The following KRT28 variants were observed in gnomAD, a reference collection of about 807,000 sequenced individuals.
The protein encoded by KRT28 is keratin, type I cytoskeletal 28.
A neutral mutation model predicts 48.1 loss-of-function variants in KRT28; 45 were observed. The observed-to-expected ratio is 0.94, with a 90% CI of 0.74 to 1.20. The LOEUF (loss-of-function observed/expected upper bound fraction) is 1.20, where lower values mean the gene tolerates loss of function less well. Ranked by LOEUF, KRT28 falls within the 50% of genes most tolerant of loss-of-function variation. KRT28 has a pLI of 0.00. For synonymous variants in KRT28, 228 were observed against 227.4 expected, an observed-to-expected ratio of 1.00 and a Z score of -0.03; for missense variants, 571 against 574.1, an observed-to-expected ratio of 0.99 and a Z score of 0.06.
Position 40,799,755 on chromosome 17 carries a change from A to G in KRT28, c.139T>C (p.Cys47Arg), listed in dbSNP as rs142165420. 22,762 of 1,613,918 alleles carry G rather than the reference A, an allele frequency of 0.014. 203 individuals are homozygous for G. Among genetic ancestry groups the G allele is most frequent in the Non-Finnish European group, 0.017 (19,844 of 1,179,922 alleles). The change falls in exon 1 of 8, where the codon TGT becomes CGT. Residue 47 changes from cysteine (C) to arginine (R), a missense_variant. Cys to Arg is a radical substitution (Grantham distance 180). Coordinates refer to ENST00000306658, the MANE Select transcript of KRT28 (RefSeq NM_181535.3). ...CTGCCCAAGCCCCCTCCCAAGGCAC[A>G]GGAAAATTCACTTCCAGCAACAGAG... ...GGSVAGSEFS[C>R]ALGGGLGSVP... is the part of the protein sequence containing the mutation.
In KRT28 at chr17:40,793,201, G is replaced by A. The variant is rs769792221; in HGVS notation, c.1206C>T (p.Ser402=). The A allele has an allele frequency of 1.9e-6, 3 of 1,558,364 alleles. No homozygotes were observed. In the South Asian group the frequency reaches 3.6e-5, roughly 19 times the overall value. Residue 402 remains serine (S), a synonymous_variant, in exon 7 of 8, where the codon TCC becomes TCT. Transcript: ENST00000306658. ...TTCCTGATCCAAAGCCCTTTGATTT[G>A]GAGCATGAACTGTAAAAGAAATATA... ...RLIDGDGNSC[S]KSKGFGSGSP...
intron 5 of KRT28, among the ~76,000 whole-genome samples, chr17:40,796,071 A>T (rs912667636): frequency 4.6e-5 from 7 of 152,246 alleles, no homozygotes; most frequent in African/African-American, 1.7e-4. Flanking sequence ...GCTAAATCAA[A>T]AGAATCTCCC....
Position 40,799,461 on chromosome 17 carries a change from C to T in KRT28, c.433G>A (p.Glu145Lys), listed in dbSNP as rs566122984. 7.5e-6 allele frequency: 12 copies of T among 1,603,976 alleles called. No homozygotes were observed. The South Asian group carries it at 9.9e-5, about 13-fold the overall frequency. The stretch of plus-strand genomic sequence containing the variant: ...TTTCTCACCTTATTCTTAAGATCCT[C>T]AATTGTTAGGTGATATCTGCTATAG... ...HDYSRYHLTIEDLKNKIISST... is the reference protein window; with the variant it reads ...HDYSRYHLTIKDLKNKIISST... The change falls in exon 1 of 8, where the codon GAG (glutamate) becomes AAG (lysine). Residue 145 changes from glutamate to lysine, a missense_variant. Transcript: ENST00000306658.
At chr17:40,794,120 T>G in intron 5 of KRT28, 74 bp from the exon 6 acceptor site, 4 of 1,547,422 alleles carry the variant, frequency 2.6e-6, no homozygotes, top group Non-Finnish European at 3.6e-6. Context: ...TTCTCAGTAA[T>G]CAGCAGGATT....
At chr17:40,793,000 T>C (rs1904526827) in intron 7 of KRT28, among the ~76,000 whole-genome samples, 155 bp downstream of exon 7, 1 of 151,940 alleles carries the variant, frequency 6.6e-6, no homozygotes, top group African/African-American at 2.4e-5. Flanking sequence ...CTCAAGAGGC[T>C]GGGGCAGGAG....
chr17:40,799,478 C>A lies in KRT28; in HGVS notation c.416G>T (p.Arg139Ile), dbSNP rs1309915380. ...SCRGLDHDYS[R>I]YHLTIEDLKN... ...AAGATCCTCAATTGTTAGGTGATAT[C>A]TGCTATAGTCATGATCAAGTCCACG... Residue 139 changes from arginine to isoleucine, a missense_variant, in exon 1 of 8, where the codon AGA becomes ATA. Physicochemically the swap from Arg to Ile is moderately conservative, Grantham distance 97. Transcript: ENST00000306658. The A allele has an allele frequency of 6.2e-7, 1 of 1,613,264 alleles. No individual in the cohort carries two copies. Among genetic ancestry groups the A allele is most frequent in the African/African-American group, 1.3e-5 (1 of 74,892 alleles).
rs760131424 is a variant in KRT28, at chr17:40,798,298, G to A, written c.627C>T (p.Asp209=). Reference sequence around the variant, plus strand: ...TCAGAGACTCATATTGCAGCTCCTGGTCGGTCCTGCAGAGCGTCAGCTCGT... The same window carrying A: ...TCAGAGACTCATATTGCAGCTCCTGATCGGTCCTGCAGAGCGTCAGCTCGT... The part of the protein sequence containing the change: ...VLDELTLCRT[D]QELQYESLSE... Residue 209 remains aspartate, a synonymous_variant, in exon 3 of 8, where the codon GAC becomes GAT. Coordinates refer to ENST00000306658, the MANE Select transcript of KRT28 (RefSeq NM_181535.3). The A allele has an allele frequency of 1.2e-6, 2 of 1,613,210 alleles. No individual in the cohort carries two copies. The highest frequency in any genetic ancestry group is 2.2e-5 in the South Asian group (2 of 91,050).
chr17:40,799,789 T>G lies in KRT28; in HGVS notation c.105A>C (p.Ala35=), dbSNP rs543781326. The G allele has an allele frequency of 6.2e-7, 1 of 1,613,778 alleles. No individual in the cohort carries two copies. The highest frequency in any genetic ancestry group is 1.7e-5 in the Admixed American group (1 of 59,964). Reference sequence around the variant, plus strand: ...CACTTCCAGCAACAGAGCCACCACATGCACTGCTGCCTGCAAAGCCTGCAC... The same window carrying G: ...CACTTCCAGCAACAGAGCCACCACAGGCACTGCTGCCTGCAAAGCCTGCAC... ...NGGAGFAGSS[A]CGGSVAGSEF... The change falls in exon 1 of 8, where the codon GCA becomes GCC. Residue 35 remains alanine, a synonymous_variant. Transcript: ENST00000306658.
At chr17:40,796,016 C>T (rs1168266158) in intron 5 of KRT28, among the ~76,000 whole-genome samples, 1 of 152,176 alleles carries the variant, frequency 6.6e-6, no homozygotes, top group African/African-American at 2.4e-5. Context: ...ACAAGTCTCC[C>T]ATCTAAATCC....
At position 40,798,992 on chromosome 17, in the gene KRT28, G is replaced by T. The variant is rs1307423090; in HGVS notation, c.458C>A (p.Ser153Tyr). The change falls in exon 2 of 8, where the codon TCC (serine) becomes TAC (tyrosine). Residue 153 changes from serine to tyrosine, a missense_variant. By Grantham distance (144) the Ser-to-Tyr change is moderately radical. Transcript: ENST00000306658. ...TIEDLKNKII[S>Y]STTTNANVIL... Reference sequence around the variant, plus strand: ...GACATTAGCATTAGTAGTAGTGGAGGAGATAATCTAGAATAAACCAAAACA... The same window carrying T: ...GACATTAGCATTAGTAGTAGTGGAGTAGATAATCTAGAATAAACCAAAACA... 1 of 1,595,176 alleles carries T rather than the reference G, an allele frequency of 6.3e-7. No homozygotes were observed. Among genetic ancestry groups the T allele is most frequent in the Non-Finnish European group, 8.6e-7 (1 of 1,167,026 alleles).
chr17:40,794,798 T>C (rs1904575081), intron 5 of KRT28, among the ~76,000 whole-genome samples: 1 of 152,236 alleles, frequency 6.6e-6, no homozygotes, highest in Non-Finnish European at 1.5e-5. Flanking sequence ...TTGATATTAG[T>C]TATTATCCAA....
At position 40,792,216 on chromosome 17, in the gene KRT28, T is replaced by G; in HGVS notation, c.*211A>C. ...ATAGAAAAAAATCACAAATAGTTAT[T>G]TATTAGTCATCAGTGAATGGAAATG... is the stretch of plus-strand genomic sequence containing the variant. On this transcript the variant is annotated 3_prime_UTR_variant, in exon 8 of 8. Coordinates refer to ENST00000306658, the MANE Select transcript of KRT28 (RefSeq NM_181535.3). 2.5e-6 allele frequency: 1 copy of G among 393,978 alleles called. No individual in the cohort carries two copies. The highest frequency in any genetic ancestry group is 4.0e-5 in the East Asian group (1 of 25,172). 24.4% of individuals were successfully genotyped at this position (393,978 alleles called of 1,614,324 possible). A position where few individuals can be genotyped will look rare whatever the true frequency, so the allele number is the denominator to read the frequency against.
chr17:40,793,431 C>T (rs1202582251), intron 6 of KRT28, among the ~76,000 whole-genome samples: 1 of 151,114 alleles, frequency 6.6e-6, no homozygotes, highest in African/African-American at 2.4e-5. Context: ...TTTTTTACAC[C>T]CAAGAATTTA....
rs1013587490 is a variant in KRT28 at position 40,799,781 on chromosome 17, C to G, written c.113G>C (p.Gly38Ala). ...GGAAAATTCACTTCCAGCAACAGAG[C>G]CACCACATGCACTGCTGCCTGCAAA... is the stretch of plus-strand genomic sequence containing the variant. ...AGFAGSSACGGSVAGSEFSCA... is the reference protein window; with the variant it reads ...AGFAGSSACGASVAGSEFSCA... The change falls in exon 1 of 8, where the codon GGC (glycine) becomes GCC (alanine). Residue 38 changes from glycine to alanine, a missense_variant. Transcript: ENST00000306658. 3 of 1,613,976 alleles carry G rather than the reference C, an allele frequency of 1.9e-6. No individual in the cohort carries two copies. The highest frequency in any genetic ancestry group is 1.7e-5 in the Admixed American group (1 of 60,004).
In KRT28 at chr17:40,793,161, A is replaced by G. The variant is rs778248231; in HGVS notation, c.1246T>C (p.Ser416Pro). 1 of 1,559,062 alleles carries G rather than the reference A, an allele frequency of 6.4e-7. No individual in the cohort carries two copies. Among genetic ancestry groups the G allele is most frequent in the Non-Finnish European group, 8.7e-7 (1 of 1,150,764 alleles). The change falls in exon 7 of 8, where the codon TCT becomes CCT. Residue 416 changes from serine to proline, a missense_variant. Coordinates refer to ENST00000306658, the MANE Select transcript of KRT28 (RefSeq NM_181535.3). ...TAGAACTAGATTTTATTACCTTTAG[A>G]TGAATTCCCAGGGCTTCCTGATCCA... The part of the protein sequence containing the change: ...GFGSGSPGNS[S>P]KDLSKTTLVK...
At chr17:40,792,634 G>T in intron 7 of KRT28, 65 bp from the exon 8 acceptor site, 1 of 1,165,574 alleles carries the variant, frequency 8.6e-7, no homozygotes, top group Non-Finnish European at 1.2e-6. Context: ...TCCACTGCTA[G>T]TTCAATATAA....
chr17:40,793,928 G>A lies in KRT28; in HGVS notation c.1097C>T (p.Thr366Ile), dbSNP rs764460897. 2 of 1,613,866 alleles carry A rather than the reference G, an allele frequency of 1.2e-6. No individual in the cohort carries two copies. Among genetic ancestry groups the A allele is most frequent in the Admixed American group, 1.7e-5 (1 of 60,002 alleles). ...EEQLHQVRTETEGQKLEYEHL... is the reference protein window; with the variant it reads ...EEQLHQVRTEIEGQKLEYEHL... ...CTCATACTCCAGCTTCTGGCCCTCG[G>A]TCTCGGTTCTGACCTGGTGCAGCTG... Residue 366 changes from threonine to isoleucine, a missense_variant, in exon 6 of 8, where the codon ACC becomes ATC. Coordinates refer to ENST00000306658, the MANE Select transcript of KRT28 (RefSeq NM_181535.3).
intron 7 of KRT28, 66 bp downstream of exon 7, chr17:40,793,089 G>T: frequency 9.3e-7 from 1 of 1,070,172 alleles, no homozygotes; most frequent in Non-Finnish European, 1.4e-6. Context: ...AACAGAGCGA[G>T]ACTCTGTCTC....
chr17:40,799,075 G>T, intron 1 of KRT28, 76 bp from the exon 2 acceptor site: 1 of 926,364 alleles, frequency 1.1e-6, no homozygotes, highest in Non-Finnish European at 1.6e-6. Flanking sequence ...AAATGAAAAA[G>T]GTTACTCAAG....
Sources: gnomAD v4.1 joint callset for allele counts (sites outside exome capture counted in the v4.1 genomes callset) on GRCh38, gnomAD v4.1.1 for gene constraint, MANE v1.5 for transcripts, NCBI Gene and HGNC (gene_info 2026-07-23, HGNC 2026-07-21) for gene names.